The following FRMPD4 variants were observed in gnomAD, a reference collection of about 807,000 sequenced individuals.
FRMPD4 encodes FERM and PDZ domain-containing protein 4.
In FRMPD4, 22 loss-of-function variants were observed where a neutral mutation model predicts 94.1. The ratio of observed to expected loss-of-function variants is 0.23; its 90% CI spans 0.17 to 0.33. The LOEUF (loss-of-function observed/expected upper bound fraction) is 0.33. Among genes scored for constraint, FRMPD4 ranks in the 10% least tolerant of loss-of-function variants. The pLI is 1.00. For missense variants in FRMPD4, 1,111 were observed against 1,339.9 expected (o/e 0.83, Z 2.67); for synonymous variants, 631 against 548.6 (o/e 1.15, Z -2.10).
chrX:12,310,359 A>T (rs2055012537), intron 1 of FRMPD4, among the ~76,000 whole-genome samples: 1 of 111,058 alleles, frequency 9.0e-6, no homozygotes, highest in South Asian at 3.9e-4. Flanking sequence ...TCATCAGTTA[A>T]GGTGGGGCAG....
chrX:11,884,369 G>T (rs1173369950), intron 3 of FRMPD4, among the ~76,000 whole-genome samples: 1 of 111,749 alleles, frequency 8.9e-6, no homozygotes, highest in Non-Finnish European at 1.9e-5. Context: ...AGGCTTTTTG[G>T]TTACACTCAG....
At chrX:12,534,410 C>T (rs1485176976) in intron 2 of FRMPD4, among the ~76,000 whole-genome samples, 2 of 112,051 alleles carry the variant, frequency 1.8e-5, no homozygotes, top group African/African-American at 3.2e-5. Flanking sequence ...TCCTAGTGAG[C>T]TGTGAGAAGA....
intron 2 of FRMPD4, among the ~76,000 whole-genome samples, chrX:12,527,309 A>G (rs956380654): frequency 2.7e-5 from 3 of 111,320 alleles, no homozygotes; most frequent in Admixed American, 9.5e-5. Flanking sequence ...AGAACTCACT[A>G]GAGGTGTTTC....
chrX:12,102,373 T>C (rs1158802335), intron 3 of FRMPD4, among the ~76,000 whole-genome samples: 1 of 111,931 alleles, frequency 8.9e-6, no homozygotes, highest in African/African-American at 3.2e-5. Context: ...TGTCTTGTGA[T>C]TTGTGTGCAT....
intron 3 of FRMPD4, among the ~76,000 whole-genome samples, chrX:12,092,502 G>A (rs2055161972): frequency 9.0e-6 from 1 of 111,470 alleles, no homozygotes; most frequent in African/African-American, 3.3e-5. Context: ...AGCTCCCATT[G>A]TCCTGAAAGG....
intron 3 of FRMPD4, among the ~76,000 whole-genome samples, chrX:11,922,534 C>T (rs963851894): frequency 1.8e-5 from 2 of 111,828 alleles, no homozygotes; most frequent in East Asian, 2.8e-4. Flanking sequence ...AGCTGGGAGC[C>T]CTGCATGGGC....
intron 3 of FRMPD4, among the ~76,000 whole-genome samples, chrX:11,882,082 A>G (rs1159047224): frequency 8.9e-6 from 1 of 111,922 alleles, no homozygotes; most frequent in Non-Finnish European, 1.9e-5. Context: ...GTGCCAAGAT[A>G]TAAAAAAAAG....
chrX:12,547,011 T>TAAAAAAA (rs57946725), intron 2 of FRMPD4, among the ~76,000 whole-genome samples: 3 of 33,764 alleles, frequency 8.9e-5, no homozygotes, highest in Non-Finnish European at 4.8e-5. Flanking sequence ...ACTGTCTCTT[T>TAAAAAAA]AAAAAAAAAA....
At chrX:12,458,404 G>A (rs1030750989) in intron 1 of FRMPD4, among the ~76,000 whole-genome samples, 2 of 111,934 alleles carry the variant, frequency 1.8e-5, no homozygotes, top group African/African-American at 6.5e-5. Flanking sequence ...TGGAGTTTAA[G>A]TCAGTAATCT....
At chrX:12,503,174 T>C (rs1176256856) in intron 2 of FRMPD4, among the ~76,000 whole-genome samples, 1 of 111,821 alleles carries the variant, frequency 8.9e-6, no homozygotes, top group African/African-American at 3.3e-5. Flanking sequence ...AAATAGATTA[T>C]TATGATGAGC....
At position 12,331,722 on chromosome X, in the gene FRMPD4, AT is replaced by A. The variant is rs1569234146; in HGVS notation, c.42-166957del. Among the ~76,000 whole-genome samples the A allele has an allele frequency of 7.4e-3, 452 of 60,986 alleles. 14 individuals carry two copies. Among genetic ancestry groups the A allele is most frequent in the Non-Finnish European group, 0.01 (378 of 36,022 alleles). The allele number at this position is 60,986 out of a possible 115,157, so 53.0% of individuals were successfully genotyped here. ...TAAATATATAATATATAATTTATAT[AT>A]AGTATATAAATATATAATTTATATA... On this transcript the variant is annotated intron_variant, in intron 1 of 16. Coordinates refer to ENST00000675598, the MANE Select transcript of FRMPD4 (RefSeq NM_001368397.1).
chrX:12,606,966 G>C (rs11796719), intron 2 of FRMPD4, among the ~76,000 whole-genome samples: 97 of 111,655 alleles, frequency 8.7e-4, no homozygotes, highest in Middle Eastern at 4.6e-3. Context: ...AGCCATGCCT[G>C]TTTCAGCTTC....
At chrX:12,261,292 G>A (rs749334176) in intron 1 of FRMPD4, among the ~76,000 whole-genome samples, 1 of 111,843 alleles carries the variant, frequency 8.9e-6, no homozygotes, top group South Asian at 3.7e-4. Context: ...CATTATAGCT[G>A]ATAAAAATAG....
At chrX:12,341,940 G>C (rs2055621247) in intron 1 of FRMPD4, among the ~76,000 whole-genome samples, 1 of 111,967 alleles carries the variant, frequency 8.9e-6, no homozygotes, top group Non-Finnish European at 1.9e-5. Flanking sequence ...GGGGAAAAAG[G>C]CTAAATGGAA....
At chrX:12,491,469 A>G (rs1317581122) in intron 1 of FRMPD4, among the ~76,000 whole-genome samples, 1 of 111,764 alleles carries the variant, frequency 8.9e-6, no homozygotes, top group Admixed American at 9.5e-5. Flanking sequence ...GTCTTCATCT[A>G]CAACTTTGGT....
chrX:12,265,753 C>T (rs1467111027), intron 1 of FRMPD4, among the ~76,000 whole-genome samples: 2 of 86,484 alleles, frequency 2.3e-5, no homozygotes, highest in Non-Finnish European at 4.7e-5. Flanking sequence ...CAGTTAAGAA[C>T]CCCCCCCCAA....
At chrX:12,039,815 C>G (rs995912972) in intron 3 of FRMPD4, among the ~76,000 whole-genome samples, 1 of 108,755 alleles carries the variant, frequency 9.2e-6, no homozygotes, top group African/African-American at 3.4e-5. Context: ...ACTAAAAATA[C>G]AAAATTAGTT....
chrX:12,316,399 C>T (rs778960916), intron 1 of FRMPD4, among the ~76,000 whole-genome samples: 4 of 111,012 alleles, frequency 3.6e-5, no homozygotes, highest in African/African-American at 6.5e-5. Flanking sequence ...GTGATCCACC[C>T]GCCTCGGCCT....
intron 3 of FRMPD4, among the ~76,000 whole-genome samples, chrX:12,111,088 C>T (rs2055357016): frequency 9.0e-6 from 1 of 111,402 alleles, no homozygotes; most frequent in Non-Finnish European, 1.9e-5. Flanking sequence ...TCATATGGAA[C>T]CAAAAAAGGG....
Sources: gnomAD v4.1 joint callset for allele counts (sites outside exome capture counted in the v4.1 genomes callset) on GRCh38, gnomAD v4.1.1 for gene constraint, MANE v1.5 for transcripts, NCBI Gene and HGNC (gene_info 2026-07-23, HGNC 2026-07-21) for gene names.